Variants in PLCB1 observed in about 807,000 individuals in gnomAD.
The protein encoded by PLCB1 is phospholipase C beta 1, also known as 1-phosphatidylinositol 4,5-bisphosphate phosphodiesterase beta-1.
Under a neutral mutation model 161.8 loss-of-function variants are expected in PLCB1, and 46 were observed. The ratio of observed to expected loss-of-function variants is 0.28; its 90% CI spans 0.22 to 0.36. The LOEUF is 0.36. Ranked by LOEUF, PLCB1 falls within the 10% of genes least tolerant of loss-of-function variation. The pLI, the probability that PLCB1 is intolerant of heterozygous loss-of-function variation, is 1.00. For synonymous variants in PLCB1, 517 were observed against 503.7 expected, an observed-to-expected ratio of 1.03 and a Z score of -0.35; for missense variants, 1,016 against 1,472.5, an observed-to-expected ratio of 0.69 and a Z score of 5.07.
intron 31 of PLCB1, among the ~76,000 whole-genome samples, chr20:8,871,916 C>T (rs1365963455): frequency 6.6e-6 from 1 of 152,076 alleles, no homozygotes; most frequent in Non-Finnish European, 1.5e-5. Flanking sequence ...CTTTTAACAG[C>T]CCAGGAAAAT....
At chr20:8,355,729 C>T (rs1259695718) in intron 2 of PLCB1, among the ~76,000 whole-genome samples, 1 of 152,136 alleles carries the variant, frequency 6.6e-6, no homozygotes, top group Non-Finnish European at 1.5e-5. Flanking sequence ...AACCCACTCA[C>T]CTGTATGGAG....
intron 3 of PLCB1, among the ~76,000 whole-genome samples, chr20:8,610,368 G>C (rs1312091242): frequency 6.6e-6 from 1 of 152,084 alleles, no homozygotes; most frequent in East Asian, 1.9e-4. Context: ...TACCATATTT[G>C]ATTTTCCATT....
intron 3 of PLCB1, among the ~76,000 whole-genome samples, chr20:8,463,391 A>G (rs570335658): frequency 6.6e-6 from 1 of 151,962 alleles, no homozygotes; most frequent in Non-Finnish European, 1.5e-5. Context: ...TACTTTTCTC[A>G]TTCTTCTCTT....
chr20:8,374,224 C>T (rs751202375), intron 3 of PLCB1, among the ~76,000 whole-genome samples: 26 of 152,100 alleles, frequency 1.7e-4, no homozygotes, highest in Admixed American at 6.5e-4. Flanking sequence ...TGAGTTCTCA[C>T]GAGATCTGAT....
At chr20:8,873,413 A>G (rs924618556) in intron 31 of PLCB1, among the ~76,000 whole-genome samples, 1 of 152,142 alleles carries the variant, frequency 6.6e-6, no homozygotes, top group Non-Finnish European at 1.5e-5. Flanking sequence ...TAGTCCTTGC[A>G]GTAATTCTCG....
intron 14 of PLCB1, among the ~76,000 whole-genome samples, chr20:8,720,343 T>A (rs986261346): frequency 6.6e-6 from 1 of 152,230 alleles, no homozygotes; most frequent in Non-Finnish European, 1.5e-5. Context: ...TTCAGTAGAT[T>A]TCCTAAGCTA....
intron 2 of PLCB1, among the ~76,000 whole-genome samples, chr20:8,158,093 T>C (rs1191081470): frequency 6.6e-6 from 1 of 152,250 alleles, no homozygotes; most frequent in Non-Finnish European, 1.5e-5. Flanking sequence ...TTTGTACTTT[T>C]TGATGCCAAA....
chr20:8,288,786 C>T (rs1233468373), intron 2 of PLCB1, among the ~76,000 whole-genome samples: 1 of 152,192 alleles, frequency 6.6e-6, no homozygotes, highest in Non-Finnish European at 1.5e-5. Flanking sequence ...TACTGATCCA[C>T]CTTCCTCTTT....
chr20:8,438,177 A>G (rs1980394334), intron 3 of PLCB1, among the ~76,000 whole-genome samples: 1 of 152,172 alleles, frequency 6.6e-6, no homozygotes, highest in African/African-American at 2.4e-5. Context: ...TCCAATTAAT[A>G]GTGAAATGGT....
intron 26 of PLCB1, among the ~76,000 whole-genome samples, chr20:8,773,441 T>C (rs1373423336): frequency 1.3e-5 from 2 of 152,218 alleles, no homozygotes; most frequent in East Asian, 3.8e-4. Flanking sequence ...TTAATGATAA[T>C]TACTTTAATT....
chr20:8,397,643 A>G (rs778476087), intron 3 of PLCB1, among the ~76,000 whole-genome samples: 4 of 152,130 alleles, frequency 2.6e-5, no homozygotes, highest in Non-Finnish European at 5.9e-5. Flanking sequence ...ATCTTTCCCC[A>G]GTGAATTGAG....
intron 2 of PLCB1, among the ~76,000 whole-genome samples, chr20:8,341,553 G>A (rs1985810617): frequency 6.6e-6 from 1 of 152,104 alleles, no homozygotes; most frequent in African/African-American, 2.4e-5. Flanking sequence ...TCATGGGGAT[G>A]TTTCTTCTCA....
intron 2 of PLCB1, among the ~76,000 whole-genome samples, chr20:8,232,902 AT>A (rs1486056367): frequency 1.3e-5 from 2 of 152,142 alleles, no homozygotes; most frequent in African/African-American, 4.8e-5. Context: ...TGGCGCTGGC[AT>A]TGCAATGTGA....
chr20:8,434,701 A>G (rs1980221756), intron 3 of PLCB1, among the ~76,000 whole-genome samples: 1 of 152,218 alleles, frequency 6.6e-6, no homozygotes, highest in African/African-American at 2.4e-5. Context: ...CAATTTGCTT[A>G]TGGTCACACA....
intron 2 of PLCB1, among the ~76,000 whole-genome samples, chr20:8,235,885 AT>A (rs962886602): frequency 4.6e-4 from 70 of 152,214 alleles, no homozygotes; most frequent in African/African-American, 1.7e-3. Flanking sequence ...TTTAAAAAAA[AT>A]CTTAAGGCGT....
At chr20:8,254,440 T>C (rs1981309846) in intron 2 of PLCB1, among the ~76,000 whole-genome samples, 1 of 152,030 alleles carries the variant, frequency 6.6e-6, no homozygotes, top group African/African-American at 2.4e-5. Flanking sequence ...TTTGGGCTAA[T>C]GTATCTTCCC....
chr20:8,844,755 T>C (rs1405959025), intron 31 of PLCB1, among the ~76,000 whole-genome samples: 2 of 152,162 alleles, frequency 1.3e-5, no homozygotes, highest in Non-Finnish European at 2.9e-5. Context: ...CATAATCCAA[T>C]AGATCATCTT....
intron 3 of PLCB1, among the ~76,000 whole-genome samples, chr20:8,381,394 G>A (rs1164800633): frequency 6.6e-6 from 1 of 152,072 alleles, no homozygotes; most frequent in East Asian, 1.9e-4. Flanking sequence ...ATATTGGCCT[G>A]AAGTTTTTTT....
chr20:8,545,387 T>C (rs1187147688), intron 3 of PLCB1, among the ~76,000 whole-genome samples: 2 of 152,150 alleles, frequency 1.3e-5, no homozygotes, highest in Non-Finnish European at 2.9e-5. Flanking sequence ...AGGCTGGAAA[T>C]GGAAAACCAC....
Sources: allele counts gnomAD v4.1 joint callset (sites outside exome capture counted in the v4.1 genomes callset), GRCh38; gene constraint gnomAD v4.1.1; transcripts MANE v1.5; gene names NCBI Gene and HGNC (gene_info 2026-07-23, HGNC 2026-07-21).